OR3A2: variants seen among roughly 807,000 people sequenced by gnomAD.
The protein encoded by OR3A2 is olfactory receptor family 3 subfamily A member 2, also known as olfactory receptor 3A2.
For missense variants in OR3A2, 318 were observed against 392.8 expected (o/e 0.81, Z 1.61); for synonymous variants, 126 against 159.3 (o/e 0.79, Z 1.57).
intron 2 of OR3A2, among the ~76,000 whole-genome samples, chr17:3,348,096 GT>G (rs1198638986): frequency 1.3e-5 from 2 of 151,962 alleles, no homozygotes; most frequent in Non-Finnish European, 2.9e-5. Flanking sequence ...GGGGTTGTTT[GT>G]TTTTTTCTTG....
exon 2 of OR3A2, chr17:3,277,776 T>C: frequency 6.5e-6 from 4 of 613,916 alleles, no homozygotes; most frequent in South Asian, 2.4e-5. Flanking sequence ...GTCCAGATCA[T>C]AGAGGTACTC....
At chr17:3,337,476 C>T (rs1190195200) in intron 2 of OR3A2, among the ~76,000 whole-genome samples, 1 of 152,018 alleles carries the variant, frequency 6.6e-6, no homozygotes, top group Admixed American at 6.6e-5. Flanking sequence ...GCCCTGTGTC[C>T]AAGTGTTCTC....
At chr17:3,371,111 C>T (rs1455964597) in intron 2 of OR3A2, among the ~76,000 whole-genome samples, 3 of 151,968 alleles carry the variant, frequency 2.0e-5, no homozygotes, top group Admixed American at 6.5e-5. Context: ...CATCATGGCC[C>T]GTTCTCAATG....
At chr17:3,382,575 T>TCATGTC (rs1250920521) in intron 2 of OR3A2, among the ~76,000 whole-genome samples, 5 of 152,240 alleles carry the variant, frequency 3.3e-5, no homozygotes, top group Admixed American at 2.6e-4. Flanking sequence ...CTTCTTTTCC[T>TCATGTC]CATGTCCTAT....
chr17:3,344,008 A>C (rs1285220045), intron 2 of OR3A2, among the ~76,000 whole-genome samples: 1 of 152,182 alleles, frequency 6.6e-6, no homozygotes, highest in Non-Finnish European at 1.5e-5. Flanking sequence ...TTCTCATTCT[A>C]ATCCATGGCT....
intron 2 of OR3A2, among the ~76,000 whole-genome samples, chr17:3,362,799 A>C (rs562730896): frequency 2.6e-5 from 4 of 151,814 alleles, no homozygotes; most frequent in Non-Finnish European, 5.9e-5. Context: ...ATGTTTCCAT[A>C]CATCCTCTGA....
intron 2 of OR3A2, among the ~76,000 whole-genome samples, chr17:3,341,741 C>G (rs377468736): frequency 1.3e-5 from 2 of 152,218 alleles, no homozygotes; most frequent in African/African-American, 4.8e-5. Context: ...AATTATGTGT[C>G]TTGGAGTTGC....
At chr17:3,370,587 T>C (rs1223202054) in intron 2 of OR3A2, among the ~76,000 whole-genome samples, 4 of 152,232 alleles carry the variant, frequency 2.6e-5, no homozygotes, top group Non-Finnish European at 4.4e-5. Context: ...TTCTTGTTTC[T>C]CTAGTTCCTT....
At chr17:3,325,721 G>C (rs546420541) in intron 3 of OR3A2, among the ~76,000 whole-genome samples, 3 of 152,000 alleles carry the variant, frequency 2.0e-5, no homozygotes, top group Non-Finnish European at 1.5e-5. Context: ...TTTTGGTTAA[G>C]ATCAAGTGTA....
intron 3 of OR3A2, among the ~76,000 whole-genome samples, chr17:3,302,441 A>G (rs2048972601): frequency 6.6e-6 from 1 of 152,176 alleles, no homozygotes; most frequent in Non-Finnish European, 1.5e-5. Flanking sequence ...ATAATACCAC[A>G]CATCTACAAC....
intron 3 of OR3A2, chr17:3,292,174 T>G (rs1236932428): frequency 6.2e-7 from 1 of 1,613,642 alleles, no homozygotes; most frequent in Non-Finnish European, 8.5e-7. Flanking sequence ...CTCATGCGGG[T>G]GCTGTAGGTG....
intron 1 of OR3A2, among the ~76,000 whole-genome samples, chr17:3,282,791 C>G (rs1456069147): frequency 1.3e-5 from 2 of 152,202 alleles, no homozygotes; most frequent in Admixed American, 1.3e-4. Flanking sequence ...GACTACTTCC[C>G]TTTTTCCTGT....
At chr17:3,310,689 C>T (rs1160672916) in intron 3 of OR3A2, 2 of 544,970 alleles carry the variant, frequency 3.7e-6, no homozygotes, top group East Asian at 1.0e-4. Flanking sequence ...TGACCGCTAT[C>T]TGGCCATCTG....
At chr17:3,365,089 A>C (rs996617181) in intron 2 of OR3A2, among the ~76,000 whole-genome samples, 1 of 152,196 alleles carries the variant, frequency 6.6e-6, no homozygotes, top group Non-Finnish European at 1.5e-5. Flanking sequence ...TCCTTTGATC[A>C]TAACAAACTC....
intron 2 of OR3A2, among the ~76,000 whole-genome samples, chr17:3,363,920 A>G (rs1009602220): frequency 6.6e-6 from 1 of 152,162 alleles, no homozygotes; most frequent in Non-Finnish European, 1.5e-5. Flanking sequence ...AAACCATCAG[A>G]TCTCATGAGA....
At chr17:3,310,946 C>T (rs1217581314) in intron 3 of OR3A2, 1 of 581,390 alleles carries the variant, frequency 1.7e-6, no homozygotes, top group Non-Finnish European at 3.3e-6. Context: ...TGGGTGTGGC[C>T]CCCTTGGTCC....
intron 1 of OR3A2, among the ~76,000 whole-genome samples, chr17:3,280,250 A>G (rs185227595): frequency 6.6e-6 from 1 of 151,152 alleles, no homozygotes; most frequent in Non-Finnish European, 1.5e-5. Flanking sequence ...TACTTGGAAA[A>G]CCACGCTGAA....
chr17:3,278,732 C>T (rs758727013), exon 2 of OR3A2: 2 of 1,329,622 alleles, frequency 1.5e-6, no homozygotes, highest in South Asian at 1.4e-5. Flanking sequence ...GGAAGAAGTA[C>T]ATGGGGGCGT....
At chr17:3,375,139 CTTTTTTTTTTTTT>C (rs552615698) in intron 2 of OR3A2, among the ~76,000 whole-genome samples, 12 of 28,718 alleles carry the variant, frequency 4.2e-4, no homozygotes, top group South Asian at 1.9e-3. Flanking sequence ...AGCCTTCTTC[CTTTTTTTTTTTTT>C]TTTTTTTTTT....
Sources: allele counts gnomAD v4.1 joint callset (sites outside exome capture counted in the v4.1 genomes callset), GRCh38; gene constraint gnomAD v4.1.1; transcripts MANE v1.5; gene names NCBI Gene and HGNC (gene_info 2026-07-23, HGNC 2026-07-21).